The following ZZEF1 variants were observed in gnomAD, a reference collection of about 807,000 sequenced individuals.
ZZEF1 encodes zinc finger ZZ-type and EF-hand domain-containing protein 1.
A neutral mutation model predicts 342.8 loss-of-function variants in ZZEF1; 157 were observed. The ratio of observed to expected loss-of-function variants is 0.46; its 90% CI spans 0.40 to 0.52. The LOEUF (loss-of-function observed/expected upper bound fraction) is 0.52. Ranked by LOEUF, ZZEF1 falls within the 20% of genes least tolerant of loss-of-function variation. The probability of loss-of-function intolerance (pLI) is 0.00; values close to 1 mark genes in which losing one functional copy is unlikely to be tolerated. For synonymous variants in ZZEF1, 1,505 were observed against 1,429.1 expected (o/e 1.05, Z -1.20); for missense variants, 3,480 against 3,725.6 (o/e 0.93, Z 1.72).
At chr17:4,024,359 G>A (rs2056355593) in intron 43 of ZZEF1, among the ~76,000 whole-genome samples, 1 of 151,782 alleles carries the variant, frequency 6.6e-6, no homozygotes, top group South Asian at 2.1e-4. Flanking sequence ...CACCACACCT[G>A]GCTAATTTTC....
chr17:4,099,543 A>ATTT (rs35639314), intron 9 of ZZEF1, among the ~76,000 whole-genome samples: 2 of 131,910 alleles, frequency 1.5e-5, no homozygotes, highest in African/African-American at 2.8e-5. Context: ...TTTGACTGTG[A>ATTT]TTTTTTTTTT....
Position 4,093,500 on chromosome 17 carries a change from A to G in ZZEF1, c.1913+2331T>C, listed in dbSNP as rs1597881460. On this transcript the variant is annotated intron_variant, in intron 11 of 54. Transcript: ENST00000381638. ...GAACCTTTGCCAGGAATGCTGCTAA[A>G]GGAATTGCAGCAAGAAGAGCGAATT... is the stretch of plus-strand genomic sequence containing the variant. Among the ~76,000 whole-genome samples, 3 of 152,362 alleles carry G rather than the reference A, an allele frequency of 2.0e-5. No homozygotes were observed. The East Asian group carries it at 5.8e-4, about 29-fold the overall frequency.
chr17:4,009,706 G>A lies in ZZEF1; in HGVS notation c.8631C>T (p.His2877=). ...CGTCCTCAAACAGGCCGTACTCCAT[G>A]TGGGTAAAGAGCTGCCACAGGGGCT... ...LLKPLWQLFT[H]MEYGLFEDVT... is the part of the protein sequence containing the mutation. Residue 2877 remains histidine (H), a synonymous_variant, in exon 53 of 55, where the codon CAC becomes CAT. Coordinates refer to ENST00000381638, the MANE Select transcript of ZZEF1 (RefSeq NM_015113.4). The A allele has an allele frequency of 6.2e-7, 1 of 1,614,170 alleles. No individual in the cohort carries two copies. Among genetic ancestry groups the A allele is most frequent in the South Asian group, 1.1e-5 (1 of 91,084 alleles).
intron 46 of ZZEF1, among the ~76,000 whole-genome samples, chr17:4,018,918 G>A (rs1026919119): frequency 1.3e-5 from 2 of 149,932 alleles, no homozygotes; most frequent in South Asian, 2.1e-4. Flanking sequence ...AAATGAGAAC[G>A]CTGGGATTGC....
At position 4,115,028 on chromosome 17, in the gene ZZEF1, T is replaced by G. The variant is rs181745789; in HGVS notation, c.695-558A>C. On this transcript the variant is annotated intron_variant, in intron 3 of 54. Coordinates refer to ENST00000381638, the MANE Select transcript of ZZEF1 (RefSeq NM_015113.4). ...TTACTATAACCCACGTGCTTTTTTT[T>G]GTTGAGATTTTTTTGAGAGGGTCTC... 2.7e-4 allele frequency among the ~76,000 whole-genome samples: 41 copies of G among 152,228 alleles called. No homozygotes were observed. In the East Asian group the frequency reaches 6.8e-3, roughly 25 times the overall value.
chr17:4,034,368 C>T, intron 39 of ZZEF1, 76 bp from the exon 40 acceptor site: 1 of 1,502,804 alleles, frequency 6.7e-7, no homozygotes. Flanking sequence ...TATCTCCCTC[C>T]TACCTTATTT....
At chr17:4,079,956 T>C (rs2057691291) in intron 18 of ZZEF1, among the ~76,000 whole-genome samples, 1 of 152,218 alleles carries the variant, frequency 6.6e-6, no homozygotes, top group African/African-American at 2.4e-5. Context: ...AAAGATGTGG[T>C]TTGGACTAGT....
rs555435731 is a variant in ZZEF1 at position 4,047,176 on chromosome 17, T to C, written c.6015+2532A>G. 1.1e-4 allele frequency among the ~76,000 whole-genome samples: 17 copies of C among 152,308 alleles called. 1 individual carries two copies. In the South Asian group the frequency reaches 3.5e-3, roughly 32 times the overall value. ...ATAAAAACAGTGCCCTGGGACCTCTTTGGAAAAAGTCCCATTTCAATCCTG... is the reference window on the plus strand; with the variant it reads ...ATAAAAACAGTGCCCTGGGACCTCTCTGGAAAAAGTCCCATTTCAATCCTG... On this transcript the variant is annotated intron_variant, in intron 37 of 54. Transcript: ENST00000381638.
intron 53 of ZZEF1, 157 bp downstream of exon 53, chr17:4,009,447 G>T: frequency 9.8e-7 from 1 of 1,022,782 alleles, no homozygotes; most frequent in Non-Finnish European, 1.5e-6. Context: ...GCCTGGGAGA[G>T]GCGAGAGCCT....
At chr17:4,072,556 T>A in intron 25 of ZZEF1, 52 bp downstream of exon 25, 1 of 1,546,470 alleles carries the variant, frequency 6.5e-7, no homozygotes, top group Non-Finnish European at 8.8e-7. Context: ...AAGTAATAAA[T>A]ACTTGCAGGC....
intron 29 of ZZEF1, 148 bp downstream of exon 29, chr17:4,064,213 T>C (rs960471048): frequency 1.6e-6 from 1 of 639,970 alleles, no homozygotes. Context: ...AAAAAAAAAA[T>C]CAAAACTTTT....
intron 35 of ZZEF1, among the ~76,000 whole-genome samples, chr17:4,051,354 A>G (rs754165193): frequency 5.9e-5 from 9 of 152,224 alleles, no homozygotes; most frequent in Non-Finnish European, 1.3e-4. Flanking sequence ...AATAAAACCC[A>G]TAATTTTTAA....
At chr17:4,126,082 C>T (rs560369104) in intron 1 of ZZEF1, among the ~76,000 whole-genome samples, 2 of 151,860 alleles carry the variant, frequency 1.3e-5, no homozygotes, top group East Asian at 3.9e-4. Context: ...AAAAATTAGC[C>T]AGGCATGGTG....
At chr17:4,093,086 G>A (rs8079258) in intron 11 of ZZEF1, among the ~76,000 whole-genome samples, 22,573 of 152,102 alleles carry the variant, frequency 0.15, 1,806 homozygotes, top group African/African-American at 0.2. Flanking sequence ...CTGGAATCAG[G>A]AGCTAAAATC....
At chr17:4,077,333 C>T (rs1889904908) in intron 19 of ZZEF1, among the ~76,000 whole-genome samples, 1 of 152,170 alleles carries the variant, frequency 6.6e-6, no homozygotes. Flanking sequence ...TCTAACAGGC[C>T]AAGCTCTAGG....
intron 39 of ZZEF1, among the ~76,000 whole-genome samples, chr17:4,041,815 G>C (rs2056809274): frequency 6.6e-6 from 1 of 151,990 alleles, no homozygotes; most frequent in South Asian, 2.1e-4. Context: ...AAAAAGGCAA[G>C]GGAAGCAGAT....
rs1462568090 is a variant in ZZEF1 at position 4,104,700 on chromosome 17, C to T, written c.1506G>A (p.Thr502=). ...AGATGAGGGATGAGGCATCATACTG[C>T]GTGTCCAGATGGTCAGTGATGGTGC... is the stretch of plus-strand genomic sequence containing the variant. ...SLCTITDHLD[T]QYDASSLILS... The change falls in exon 8 of 55, where the codon ACG becomes ACA. Residue 502 remains threonine, a synonymous_variant. Transcript: ENST00000381638. The T allele has an allele frequency of 1.9e-6, 3 of 1,614,142 alleles. No homozygotes were observed. The highest frequency in any genetic ancestry group is 1.3e-5 in the African/African-American group (1 of 75,036).
chr17:4,141,245 G>T (rs955343433), intron 1 of ZZEF1, among the ~76,000 whole-genome samples: 10 of 152,152 alleles, frequency 6.6e-5, no homozygotes, highest in African/African-American at 2.2e-4. Flanking sequence ...TGCCTTAAAG[G>T]TACTTTTTTC....
intron 1 of ZZEF1, among the ~76,000 whole-genome samples, chr17:4,128,983 G>A (rs2058621963): frequency 6.7e-6 from 1 of 150,130 alleles, no homozygotes; most frequent in Non-Finnish European, 1.5e-5. Context: ...TGGCCAGGAT[G>A]GTCTTGATCT....
Sources: gnomAD v4.1 joint callset for allele counts (sites outside exome capture counted in the v4.1 genomes callset) on GRCh38, gnomAD v4.1.1 for gene constraint, MANE v1.5 for transcripts, NCBI Gene and HGNC (gene_info 2026-07-23, HGNC 2026-07-21) for gene names.